Variants in ITGAL observed in about 807,000 individuals in gnomAD.
The protein encoded by ITGAL is integrin alpha-L.
A neutral mutation model predicts 138.4 loss-of-function variants in ITGAL; 68 were observed. The ratio of observed to expected loss-of-function variants is 0.49; its 90% CI spans 0.40 to 0.60. The LOEUF is 0.60. Ranked by LOEUF, ITGAL falls within the 20% of genes least tolerant of loss-of-function variation. The pLI is 0.00. For synonymous variants in ITGAL, 561 were observed against 584.3 expected, an observed-to-expected ratio of 0.96 and a Z score of 0.57; for missense variants, 1,256 against 1,478.6, an observed-to-expected ratio of 0.85 and a Z score of 2.47.
chr16:30,505,815 G>C (rs2050981626), intron 20 of ITGAL, among the ~76,000 whole-genome samples: 1 of 152,188 alleles, frequency 6.6e-6, no homozygotes, highest in Non-Finnish European at 1.5e-5. Flanking sequence ...CCAGGAGTTT[G>C]AGGCTGCAGT....
chr16:30,492,083 C>T (rs1213347386), intron 11 of ITGAL, among the ~76,000 whole-genome samples: 1 of 152,068 alleles, frequency 6.6e-6, no homozygotes, highest in African/African-American at 2.4e-5. Context: ...AGTGACTCAT[C>T]TCAGAGGATT....
In ITGAL at chr16:30,515,235, C is replaced by T. The variant is rs1374797449; in HGVS notation, c.2862+1389C>T. Among the ~76,000 whole-genome samples the T allele has an allele frequency of 2.0e-5, 3 of 152,322 alleles. No individual in the cohort carries two copies. The East Asian group carries it at 5.8e-4, about 29-fold the overall frequency. ...CATCTCTTTCTCAAGGAAAACTTAA[C>T]GTGTCTGGGTGAATTTCTCCTTCCT... On this transcript the variant is annotated intron_variant, in intron 25 of 30. Transcript: ENST00000356798.
intron 11 of ITGAL, among the ~76,000 whole-genome samples, chr16:30,493,505 T>C (rs2050755458): frequency 6.6e-6 from 1 of 151,896 alleles, no homozygotes; most frequent in Admixed American, 6.6e-5. Flanking sequence ...CTCGATCTCC[T>C]GACCTTGTGA....
chr16:30,481,562 T>G lies in ITGAL; in HGVS notation c.700T>G (p.Phe234Val). Reference protein sequence around the residue: ...VKHMLLLTNTFGAINYVATEV... With the variant: ...VKHMLLLTNTVGAINYVATEV... ...GCACATGTTGCTGTTGACCAATACC[T>G]TTGGTGCCATCAATTATGTCGCGTG... is the stretch of plus-strand genomic sequence containing the variant. Residue 234 changes from phenylalanine (F) to valine (V), a missense_variant, in exon 7 of 31, where the codon TTT becomes GTT. By Grantham distance (50) the Phe-to-Val change is conservative. This residue lies in a region of ITGAL where 177 missense variants were observed against 288.8 expected (regional missense o/e 0.61). Transcript: ENST00000356798. 1.2e-6 allele frequency: 2 copies of G among 1,613,640 alleles called. No homozygotes were observed. Among genetic ancestry groups the G allele is most frequent in the Non-Finnish European group, 1.7e-6 (2 of 1,179,794 alleles).
rs1280946503 is a variant in ITGAL at position 30,505,605 on chromosome 16, CAG to C, written c.2366+144_2366+145del. On this transcript the variant is annotated intron_variant, in intron 20 of 30. Transcript: ENST00000356798. ...TTTCTGAGAAATTTGAGGCTGAACT[CAG>C]GGGCTCATGCCTATAATCCCAGCAC... 5 of 676,084 alleles carry C rather than the reference CAG, an allele frequency of 7.4e-6. 1 individual carries two copies. Among genetic ancestry groups the C allele is most frequent in the Non-Finnish European group, 1.3e-5 (5 of 383,622 alleles). The allele number at this position is 676,084 out of a possible 1,614,324, so 41.9% of individuals were successfully genotyped here.
chr16:30,517,758 A>G, intron 27 of ITGAL, 39 bp from the exon 28 acceptor site: 1 of 1,612,922 alleles, frequency 6.2e-7, no homozygotes, highest in Non-Finnish European at 8.5e-7. Context: ...ACGGGTCGGA[A>G]TGAAGCCGCC....
intron 24 of ITGAL, among the ~76,000 whole-genome samples, chr16:30,513,531 T>C (rs2051121198): frequency 6.6e-6 from 1 of 152,112 alleles, no homozygotes; most frequent in Non-Finnish European, 1.5e-5. Context: ...GGGGAGGACA[T>C]AGCCTCCACT....
chr16:30,481,091 G>A (rs2050547124), intron 6 of ITGAL: 1 of 244,246 alleles, frequency 4.1e-6, no homozygotes, highest in Non-Finnish European at 7.9e-6. Context: ...CACCTGAGGT[G>A]AGGAGTTCGA....
chr16:30,496,832 A>G (rs577673280), intron 15 of ITGAL, among the ~76,000 whole-genome samples: 6 of 149,448 alleles, frequency 4.0e-5, no homozygotes, highest in African/African-American at 1.5e-4. Flanking sequence ...TTTGGTAGCA[A>G]TGGGGACTTA....
At position 30,483,970 on chromosome 16, in the gene ITGAL, T is replaced by A; in HGVS notation, c.855+11T>A. ...CGCTACATCATCGGGGTAGGGCCCC[T>A]GCTGCTTCCTGCATCATATCTTCCC... On this transcript the variant is annotated intron_variant, in intron 8 of 30. Coordinates refer to ENST00000356798, the MANE Select transcript of ITGAL (RefSeq NM_002209.3). 1 of 1,607,960 alleles carries A rather than the reference T, an allele frequency of 6.2e-7. No individual in the cohort carries two copies. Among genetic ancestry groups the A allele is most frequent in the South Asian group, 1.1e-5 (1 of 90,978 alleles).
chr16:30,507,752 G>A (rs1333663148), intron 21 of ITGAL, among the ~76,000 whole-genome samples: 1 of 152,052 alleles, frequency 6.6e-6, no homozygotes, highest in Non-Finnish European at 1.5e-5. Context: ...CTCCCAAAGT[G>A]CTAGGATTAC....
At chr16:30,519,788 A>C in intron 29 of ITGAL, 69 bp from the exon 30 acceptor site, 2 of 1,005,348 alleles carry the variant, frequency 2.0e-6, no homozygotes, top group Non-Finnish European at 3.2e-6. Context: ...TGGGGAATGG[A>C]ACCAGGTTCA....
chr16:30,519,846 C>T lies in ITGAL; in HGVS notation c.3229-11C>T, dbSNP rs986898563. ...AGGCATTTTCCGGCACTCCCCTCCC[C>T]CTGCTCCCAGGTTGTCATGAAGGTT... is the stretch of plus-strand genomic sequence containing the variant. On this transcript the variant is annotated splice_polypyrimidine_tract_variant and intron_variant, in intron 29 of 30. Coordinates refer to ENST00000356798, the MANE Select transcript of ITGAL (RefSeq NM_002209.3). 6.3e-7 allele frequency: 1 copy of T among 1,595,474 alleles called. No individual in the cohort carries two copies. Among genetic ancestry groups the T allele is most frequent in the African/African-American group, 1.3e-5 (1 of 74,512 alleles).
chr16:30,499,725 A>G (rs8048631), intron 17 of ITGAL, among the ~76,000 whole-genome samples: 73 of 60,658 alleles, frequency 1.2e-3, no homozygotes, highest in East Asian at 3.2e-3. Flanking sequence ...ATATATATAT[A>G]TATATATATT....
chr16:30,487,117 T>C (rs940180371), intron 9 of ITGAL, among the ~76,000 whole-genome samples: 1 of 124,256 alleles, frequency 8.0e-6, no homozygotes, highest in African/African-American at 3.2e-5. Context: ...CCCTCCAGCC[T>C]GGGCGACAGA....
chr16:30,513,402 G>A (rs2051118404), intron 24 of ITGAL, among the ~76,000 whole-genome samples: 1 of 152,312 alleles, frequency 6.6e-6, no homozygotes, highest in African/African-American at 2.4e-5. Flanking sequence ...TGTTGGGAAG[G>A]TCACCCAGCA....
intron 2 of ITGAL, 33 bp downstream of exon 2, chr16:30,474,331 G>A: frequency 6.7e-7 from 1 of 1,484,986 alleles, no homozygotes; most frequent in Non-Finnish European, 9.3e-7. Context: ...TCCTCCTGAT[G>A]CCCGCCCTGG....
intron 13 of ITGAL, 90 bp from the exon 14 acceptor site, chr16:30,496,007 A>G (rs1597084124): frequency 4.6e-6 from 5 of 1,081,672 alleles, no homozygotes; most frequent in Non-Finnish European, 7.1e-6. Context: ...GAGGGACCCC[A>G]TCTTACGTTT....
chr16:30,518,832 C>T (rs2051210167), intron 29 of ITGAL, 113 bp downstream of exon 29: 2 of 783,528 alleles, frequency 2.6e-6, no homozygotes, highest in South Asian at 1.4e-5. Flanking sequence ...CAGAACTTCC[C>T]ACTGCCAGAG....
Sources: gnomAD v4.1 joint callset for allele counts (sites outside exome capture counted in the v4.1 genomes callset) on GRCh38, gnomAD v4.1.1 for gene constraint, gnomAD v4.1.1 regional missense constraint, MANE v1.5 for transcripts, NCBI Gene and HGNC (gene_info 2026-07-23, HGNC 2026-07-21) for gene names.